Variants in CCDC7 observed in about 807,000 individuals in gnomAD.
CCDC7 encodes coiled-coil domain containing 7.
CCDC7 carries 183 observed loss-of-function variants against 196.9 expected under a neutral mutation model. The observed-to-expected ratio is 0.93, with a 90% CI of 0.82 to 1.05. CCDC7 has a LOEUF of 1.05. Ranked by LOEUF, CCDC7 falls within the 50% of genes least tolerant of loss-of-function variation. The pLI is 0.00. For missense variants in CCDC7, 1,540 were observed against 1,482.2 expected (o/e 1.04, Z -0.64); for synonymous variants, 525 against 484.6 (o/e 1.08, Z -1.10).
intron 41 of CCDC7, among the ~76,000 whole-genome samples, chr10:32,873,413 G>A (rs10827149): frequency 0.14 from 20,881 of 151,790 alleles, 1,732 homozygotes; most frequent in East Asian, 0.25. Flanking sequence ...TCTCTGCATT[G>A]GTTATTCTAG....
At chr10:32,727,552 G>C (rs911678737) in intron 26 of CCDC7, among the ~76,000 whole-genome samples, 1 of 152,040 alleles carries the variant, frequency 6.6e-6, no homozygotes, top group Non-Finnish European at 1.5e-5. Context: ...GACCCTAGTA[G>C]GGCCCATCAA....
At chr10:32,533,285 A>G (rs577690765) in intron 11 of CCDC7, among the ~76,000 whole-genome samples, 4 of 148,756 alleles carry the variant, frequency 2.7e-5, no homozygotes, top group South Asian at 2.1e-4. Flanking sequence ...ACACAATTCT[A>G]CACTTTAACT....
chr10:32,876,107 C>T (rs560737495), intron 41 of CCDC7, among the ~76,000 whole-genome samples: 35 of 151,938 alleles, frequency 2.3e-4, no homozygotes, highest in South Asian at 8.3e-4. Context: ...GTTGTCTGAG[C>T]GATTCTGTTG....
upstream of CCDC7, among the ~76,000 whole-genome samples, chr10:32,444,850 G>GTTTTTTTT (rs59116319): frequency 7.1e-6 from 1 of 140,272 alleles, no homozygotes; most frequent in African/African-American, 2.6e-5. Context: ...ATGCCTTCAT[G>GTTTTTTTT]TTTTTTTTTT....
chr10:32,742,405 T>G (rs933477517), intron 28 of CCDC7, among the ~76,000 whole-genome samples: 1 of 152,212 alleles, frequency 6.6e-6, no homozygotes, highest in African/African-American at 2.4e-5. Flanking sequence ...TTCTGGGTTT[T>G]GACAAATGTG....
chr10:32,712,196 CT>C (rs1165887368), intron 25 of CCDC7, among the ~76,000 whole-genome samples: 4 of 152,150 alleles, frequency 2.6e-5, no homozygotes, highest in Admixed American at 6.5e-5. Flanking sequence ...AGGTAGTGGT[CT>C]TTATGGTAAC....
intron 40 of CCDC7, 81 bp downstream of exon 41, chr10:32,852,013 C>A: frequency 7.1e-7 from 1 of 1,405,694 alleles, no homozygotes; most frequent in Non-Finnish European, 9.5e-7. Flanking sequence ...GTTGTAATAG[C>A]TTTAGTCATA....
rs199959044 is a variant in CCDC7 at position 32,771,259 on chromosome 10, A to AT, written c.2906-7715dup. Among the ~76,000 whole-genome samples, 79 of 152,232 alleles carry AT rather than the reference A, an allele frequency of 5.2e-4. No homozygotes were observed. The East Asian group carries it at 0.013, about 25-fold the overall frequency. Reference sequence around the variant, plus strand: ...TCCTTTAATATTTCTTATAGGGCTGATTTGGTAGTGACAAATTTCCTCAGC... The same window carrying AT: ...TCCTTTAATATTTCTTATAGGGCTGATTTTGGTAGTGACAAATTTCCTCAGC... On this transcript the variant is annotated intron_variant, in intron 28 of 41. Coordinates refer to ENST00000639629, the Ensembl canonical transcript of CCDC7.
intron 9 of CCDC7, among the ~76,000 whole-genome samples, chr10:32,504,115 G>GTTTTTTTTT (rs748760643): frequency 2.1e-5 from 2 of 96,304 alleles, no homozygotes; most frequent in Non-Finnish European, 3.9e-5. Flanking sequence ...TTTATTGCTG[G>GTTTTTTTTT]TTTTTTTTTT....
chr10:32,543,432 T>G (rs200230785), intron 12 of CCDC7, 47 bp downstream of exon 13: 3 of 1,234,840 alleles, frequency 2.4e-6, no homozygotes, highest in East Asian at 5.9e-5. Flanking sequence ...TGTTAATTTA[T>G]ATTTTCTTTT....
At chr10:32,467,887 A>G (rs1366160947) in intron 5 of CCDC7, among the ~76,000 whole-genome samples, 1 of 152,132 alleles carries the variant, frequency 6.6e-6, no homozygotes, top group African/African-American at 2.4e-5. Context: ...CGAAGATCAG[A>G]TAGTTGTAGG....
chr10:32,698,653 A>G (rs1591719549), intron 24 of CCDC7, among the ~76,000 whole-genome samples: 1 of 112,424 alleles, frequency 8.9e-6, no homozygotes, highest in Admixed American at 8.4e-5. Context: ...AAGTTTAGAG[A>G]AAAAAGAGTA....
At chr10:32,874,158 T>C (rs1021622176) in intron 41 of CCDC7, among the ~76,000 whole-genome samples, 3 of 149,020 alleles carry the variant, frequency 2.0e-5, no homozygotes, top group Non-Finnish European at 4.5e-5. Flanking sequence ...TATGTACATA[T>C]ATAATTATAT....
intron 20 of CCDC7, among the ~76,000 whole-genome samples, chr10:32,637,005 C>G (rs928214560): frequency 9.1e-4 from 139 of 152,260 alleles, no homozygotes; most frequent in African/African-American, 3.2e-3. Flanking sequence ...TTTCATGTGT[C>G]TGTTGGCTGC....
chr10:32,477,623 T>C (rs540040335), intron 8 of CCDC7, among the ~76,000 whole-genome samples: 1 of 152,044 alleles, frequency 6.6e-6, no homozygotes, highest in African/African-American at 2.4e-5. Context: ...TATTTCTTCA[T>C]TGAGTTGCCT....
intron 11 of CCDC7, among the ~76,000 whole-genome samples, chr10:32,518,957 A>G (rs2135541599): frequency 6.6e-6 from 1 of 152,278 alleles, no homozygotes; most frequent in East Asian, 1.9e-4. Flanking sequence ...TACAAATTCA[A>G]ACTACAGACA....
At chr10:32,696,597 C>G (rs1464728276) in intron 24 of CCDC7, among the ~76,000 whole-genome samples, 1 of 152,026 alleles carries the variant, frequency 6.6e-6, no homozygotes, top group African/African-American at 2.4e-5. Flanking sequence ...GGGGCCAGCA[C>G]TGGGCAGAAC....
At chr10:32,473,872 A>G in intron 7 of CCDC7, 95 bp from the exon 9 acceptor site, 1 of 1,171,348 alleles carries the variant, frequency 8.5e-7, no homozygotes, top group South Asian at 2.3e-5. Flanking sequence ...TTTCTTCTGA[A>G]TAAGTTACTA....
At chr10:32,727,186 T>C (rs1430050265) in intron 26 of CCDC7, among the ~76,000 whole-genome samples, 1 of 152,102 alleles carries the variant, frequency 6.6e-6, no homozygotes, top group African/African-American at 2.4e-5. Context: ...TGTTCTTCCC[T>C]AGGCTTCAGT....
Sources: allele counts gnomAD v4.1 joint callset (sites outside exome capture counted in the v4.1 genomes callset), GRCh38; gene constraint gnomAD v4.1.1; transcripts MANE v1.5; gene names NCBI Gene and HGNC (gene_info 2026-07-23, HGNC 2026-07-21).